Variants in C16orf89 observed in about 807,000 individuals in gnomAD.
The protein encoded by C16orf89 is chromosome 16 open reading frame 89, also known as UPF0764 protein C16orf89.
A neutral mutation model predicts 41.5 loss-of-function variants in C16orf89; 57 were observed. The observed-to-expected ratio is 1.38, with a 90% confidence interval of 1.11 to 1.71. The LOEUF is 1.71. Ranked by LOEUF, C16orf89 falls within the 40% of genes most tolerant of loss-of-function variation. C16orf89 has a pLI of 0.00. For missense variants in C16orf89, 575 were observed against 445.9 expected (o/e 1.29, Z -2.61); for synonymous variants, 223 against 190.6 (o/e 1.17, Z -1.40).
intron 6 of C16orf89, among the ~76,000 whole-genome samples, chr16:5,049,443 A>G (rs2142612670): frequency 6.6e-6 from 1 of 152,378 alleles, no homozygotes; most frequent in Non-Finnish European, 1.5e-5. Context: ...AAAATAGACC[A>G]TATGTTAGGC....
Position 5,044,431 on chromosome 16 carries a change from C to T in C16orf89, c.1003G>A (p.Gly335Ser), listed in dbSNP as rs749416140. The change falls in exon 8 of 8, where the codon GGC becomes AGC. Residue 335 changes from glycine to serine, a missense_variant. By Grantham distance (56) the Gly-to-Ser change is moderately conservative (BLOSUM62 0). Coordinates refer to ENST00000472572, the MANE Select transcript of C16orf89 (RefSeq NM_001098514.3). Reference protein sequence around the residue: ...NTATAVAALGGFLYILAEYPP... With the variant: ...NTATAVAALGSFLYILAEYPP... ...TATTCTGCCAGGATGTATAGGAAGC[C>T]ACCCAGGGCTGCCACTGCTGTGGCT... The T allele has an allele frequency of 1.4e-5, 23 of 1,612,940 alleles. No homozygotes were observed. Among genetic ancestry groups the T allele is most frequent in the Non-Finnish European group, 1.8e-5 (21 of 1,179,584 alleles).
At chr16:5,063,551 C>T (rs1956671599) in intron 1 of C16orf89, among the ~76,000 whole-genome samples, 1 of 152,196 alleles carries the variant, frequency 6.6e-6, no homozygotes, top group Non-Finnish European at 1.5e-5. Context: ...CTGTAATTTA[C>T]AGCCACTCCC....
chr16:5,064,036 G>A (rs1956684777), intron 1 of C16orf89, among the ~76,000 whole-genome samples: 2 of 152,154 alleles, frequency 1.3e-5, no homozygotes, highest in Non-Finnish European at 2.9e-5. Context: ...CTGAGCAGGA[G>A]AATCGCTTGA....
Position 5,044,400 on chromosome 16 carries a change from G to T in C16orf89, c.1034C>A (p.Pro345Gln), listed in dbSNP as rs766056131. ...GGATGGGTGTGGCTCTCTGTTTGCT[G>T]GGGGGTATTCTGCCAGGATGTATAG... ...GFLYILAEYPPANREPHPSTP... is the reference protein window; with the variant it reads ...GFLYILAEYPQANREPHPSTP... The change falls in exon 8 of 8, where the codon CCA becomes CAA. Residue 345 changes from proline to glutamine, a missense_variant. By Grantham distance (76) the Pro-to-Gln change is moderately conservative (BLOSUM62 -1). Transcript: ENST00000472572. 3.4e-5 allele frequency: 55 copies of T among 1,611,778 alleles called. No homozygotes were observed. In the Middle Eastern group the frequency reaches 1.8e-3, roughly 54 times the overall value.
At chr16:5,049,716 GA>G (rs1426017951) in intron 6 of C16orf89, among the ~76,000 whole-genome samples, 1 of 151,996 alleles carries the variant, frequency 6.6e-6, no homozygotes, top group Non-Finnish European at 1.5e-5. Context: ...TATTAAGAGG[GA>G]AATTTACATC....
intron 3 of C16orf89, among the ~76,000 whole-genome samples, chr16:5,059,873 C>G (rs1328425492): frequency 6.6e-6 from 1 of 151,644 alleles, no homozygotes; most frequent in Non-Finnish European, 1.5e-5. Flanking sequence ...TGGCGCCAGC[C>G]CTGGAGGATG....
At chr16:5,058,414 T>A in intron 4 of C16orf89, 79 bp downstream of exon 4, 1 of 1,299,256 alleles carries the variant, frequency 7.7e-7, no homozygotes, top group Non-Finnish European at 1.1e-6. Flanking sequence ...ATTACAGGCA[T>A]GAGCCACCAC....
Position 5,062,540 on chromosome 16 carries a change from C to T in C16orf89, c.243G>A (p.Gln81=). The change falls in exon 2 of 8, where the codon CAG becomes CAA. Residue 81 remains glutamine (Q), a synonymous_variant. Coordinates refer to ENST00000472572, the MANE Select transcript of C16orf89 (RefSeq NM_001098514.3). ...GGCTCAGCGGCTGCAGCAGGGGCTC[C>T]TGGGCCCACTTCTCCCGGACACTTT... ...QLKSVREKWA[Q]EPLLQPLSLR... 1 of 1,613,420 alleles carries T rather than the reference C, an allele frequency of 6.2e-7. No individual in the cohort carries two copies. Among genetic ancestry groups the T allele is most frequent in the Non-Finnish European group, 8.5e-7 (1 of 1,179,670 alleles).
Position 5,060,344 on chromosome 16 carries a change from G to T in C16orf89, c.451C>A (p.Gln151Lys). 6.2e-7 allele frequency: 1 copy of T among 1,613,670 alleles called. No homozygotes were observed. Among genetic ancestry groups the T allele is most frequent in the Non-Finnish European group, 8.5e-7 (1 of 1,179,872 alleles). ...CTTCTCTCCTCTGAGAATGAGTCCTGGGGCCCGAACGTGGGGTACACCAAG... is the reference window on the plus strand; with the variant it reads ...CTTCTCTCCTCTGAGAATGAGTCCTTGGGCCCGAACGTGGGGTACACCAAG... ...ASLVYPTFGP[Q>K]DSFSEERSDV... is the part of the protein sequence containing the mutation. The change falls in exon 3 of 8, where the codon CAG becomes AAG. Residue 151 changes from glutamine to lysine, a missense_variant. Gln to Lys is a moderately conservative substitution (Grantham distance 53). Transcript: ENST00000472572.
At chr16:5,065,238 CTT>C (rs1956713698) in intron 1 of C16orf89, among the ~76,000 whole-genome samples, 1 of 152,206 alleles carries the variant, frequency 6.6e-6, no homozygotes, top group East Asian at 1.9e-4. Context: ...TAAACAAACA[CTT>C]GACTGTTTTT....
At chr16:5,058,113 C>T (rs1956546377) in intron 4 of C16orf89, among the ~76,000 whole-genome samples, 1 of 152,100 alleles carries the variant, frequency 6.6e-6, no homozygotes. Context: ...TGCCATGAGC[C>T]CTTTTTCATT....
intron 7 of C16orf89, among the ~76,000 whole-genome samples, chr16:5,046,026 C>T (rs1596681517): frequency 6.6e-6 from 1 of 152,162 alleles, no homozygotes; most frequent in East Asian, 1.9e-4. Flanking sequence ...AGGCCCCTAC[C>T]ACCCTAGCCA....
At chr16:5,043,487 C>T (rs1015900237), downstream of C16orf89, 44 of 152,180 alleles carry the variant, frequency 2.9e-4, no homozygotes, top group African/African-American at 1.0e-3. Flanking sequence ...CACCATCAAC[C>T]GCTATGCTAT....
intron 7 of C16orf89, chr16:5,044,796 A>T (rs770834880): frequency 8.3e-7 from 1 of 1,206,190 alleles, no homozygotes; most frequent in South Asian, 1.3e-5. Flanking sequence ...GTGAGCCGAG[A>T]TTGCGCCACT....
At chr16:5,058,680 A>C (rs1029989010) in intron 3 of C16orf89, 70 bp from the exon 4 acceptor site, 3 of 1,304,924 alleles carry the variant, frequency 2.3e-6, no homozygotes, top group Non-Finnish European at 3.2e-6. Context: ...CCAGCCCCCT[A>C]GTTGTAGTTG....
At chr16:5,055,833 A>T (rs1474246856) in intron 5 of C16orf89, 2 of 1,360,504 alleles carry the variant, frequency 1.5e-6, no homozygotes, top group African/African-American at 2.9e-5. Flanking sequence ...AGTATATCCC[A>T]TGAAATAGTT....
chr16:5,049,288 C>G (rs1956356615), intron 6 of C16orf89, among the ~76,000 whole-genome samples: 1 of 152,206 alleles, frequency 6.6e-6, no homozygotes, highest in Admixed American at 6.5e-5. Flanking sequence ...CAGCATTGGA[C>G]AGATCATCTA....
At chr16:5,060,212 G>C (rs2142661392) in intron 3 of C16orf89, 74 bp downstream of exon 3, 1 of 1,482,924 alleles carries the variant, frequency 6.7e-7, no homozygotes, top group Non-Finnish European at 9.1e-7. Flanking sequence ...GCTTGGAGAA[G>C]GAGGAGCGGG....
intron 1 of C16orf89, among the ~76,000 whole-genome samples, chr16:5,065,361 C>G (rs7192488): frequency 2.6e-4 from 40 of 152,260 alleles, no homozygotes; most frequent in African/African-American, 9.1e-4. Flanking sequence ...AGGGGTCTTC[C>G]CACAAATATC....
Sources: allele counts gnomAD v4.1 joint callset (sites outside exome capture counted in the v4.1 genomes callset), GRCh38; gene constraint gnomAD v4.1.1; transcripts MANE v1.5; gene names NCBI Gene and HGNC (gene_info 2026-07-23, HGNC 2026-07-21).